The following STK31 variants were observed in gnomAD, a reference collection of about 807,000 sequenced individuals.
The protein encoded by STK31 is serine/threonine kinase 31, also known as serine/threonine-protein kinase 31.
STK31 carries 89 observed loss-of-function variants against 129.7 expected under a neutral mutation model. The ratio of observed to expected loss-of-function variants is 0.69; its 90% CI spans 0.58 to 0.82. STK31 has a LOEUF of 0.82. STK31 is among the 40% of genes least tolerant of loss of function. STK31 has a pLI of 0.00. For missense variants in STK31, 1,187 were observed against 1,176.4 expected, an observed-to-expected ratio of 1.01 and a Z score of -0.13; for synonymous variants, 448 against 395.3, an observed-to-expected ratio of 1.13 and a Z score of -1.58.
At chr7:23,802,921 C>T (rs1001467375) in intron 22 of STK31, among the ~76,000 whole-genome samples, 2 of 152,306 alleles carry the variant, frequency 1.3e-5, no homozygotes, top group South Asian at 4.2e-4. Flanking sequence ...GGAGAATTGA[C>T]ATCTTTACTA....
chr7:23,712,550 T>G (rs1786037408), intron 3 of STK31, among the ~76,000 whole-genome samples: 3 of 152,202 alleles, frequency 2.0e-5, no homozygotes. Context: ...AGAATTCCAC[T>G]CAATTCTAGG....
intron 10 of STK31, among the ~76,000 whole-genome samples, chr7:23,760,675 T>C (rs1323666681): frequency 6.6e-6 from 1 of 152,164 alleles, no homozygotes; most frequent in Non-Finnish European, 1.5e-5. Context: ...TACTCTTTTT[T>C]TTGAGGTATG....
At chr7:23,733,837 TC>T (rs977556178) in intron 6 of STK31, among the ~76,000 whole-genome samples, 36 of 151,952 alleles carry the variant, frequency 2.4e-4, no homozygotes, top group African/African-American at 8.2e-4. Flanking sequence ...AAAAAATGTG[TC>T]CCAATGAAAT....
At chr7:23,802,403 T>C (rs576805084) in intron 22 of STK31, among the ~76,000 whole-genome samples, 272 of 152,292 alleles carry the variant, frequency 1.8e-3, no homozygotes, top group African/African-American at 6.1e-3. Context: ...GTCTGATAAG[T>C]GAAGTCTGCT....
chr7:23,806,775 C>G (rs1198719974), intron 22 of STK31, among the ~76,000 whole-genome samples: 2 of 151,996 alleles, frequency 1.3e-5, no homozygotes, highest in African/African-American at 4.8e-5. Context: ...TGGCTGGCAC[C>G]TGTAGTCCCA....
intron 6 of STK31, among the ~76,000 whole-genome samples, chr7:23,731,506 G>C (rs1787431535): frequency 6.6e-6 from 1 of 152,192 alleles, no homozygotes; most frequent in African/African-American, 2.4e-5. Flanking sequence ...TCCCTGCCAG[G>C]TAGGTGTTAG....
intron 23 of STK31, among the ~76,000 whole-genome samples, chr7:23,827,974 C>A (rs1473270272): frequency 2.6e-5 from 4 of 152,120 alleles, no homozygotes; most frequent in African/African-American, 2.4e-5. Context: ...CAGAGGAGTA[C>A]CCGGCTGTGT....
chr7:23,806,633 G>T (rs1212219079), intron 22 of STK31, among the ~76,000 whole-genome samples: 1 of 152,162 alleles, frequency 6.6e-6, no homozygotes, highest in Non-Finnish European at 1.5e-5. Flanking sequence ...GGGCGCGGTG[G>T]CTCACGCCAG....
At chr7:23,729,328 C>A in intron 6 of STK31, 79 bp downstream of exon 6, 2 of 1,294,542 alleles carry the variant, frequency 1.5e-6, no homozygotes, top group South Asian at 1.7e-5. Context: ...ATAGTTAAAT[C>A]TTACTTTAAT....
Position 23,783,643 on chromosome 7 carries a change from A to G in STK31, c.2128A>G (p.Ile710Val). The part of the protein sequence containing the change: ...FPELPLLHPE[I>V]GLLKYMNSGG... ...TGAGCTGCCTCTGCTTCATCCTGAA[A>G]TAGGATTACTCAAATACATGGTAAA... Residue 710 changes from isoleucine to valine, a missense_variant, in exon 17 of 24, where the codon ATA becomes GTA. Ile to Val is a conservative substitution (Grantham distance 29, BLOSUM62 3). This residue lies in a region of STK31 where 975 missense variants were observed against 934.9 expected (regional missense o/e 1.04). Coordinates refer to ENST00000355870, the MANE Select transcript of STK31 (RefSeq NM_031414.5). 1.9e-6 allele frequency: 3 copies of G among 1,612,156 alleles called. No individual in the cohort carries two copies. The highest frequency in any genetic ancestry group is 2.2e-5 in the South Asian group (2 of 90,692).
intron 22 of STK31, among the ~76,000 whole-genome samples, chr7:23,796,581 C>T (rs1401282680): frequency 1.3e-5 from 2 of 152,022 alleles, no homozygotes; most frequent in Admixed American, 1.3e-4. Context: ...AATTTTAACA[C>T]ACCTATAGAT....
At chr7:23,831,085 A>T (rs1794516472) in intron 23 of STK31, among the ~76,000 whole-genome samples, 1 of 152,190 alleles carries the variant, frequency 6.6e-6, no homozygotes, top group African/African-American at 2.4e-5. Context: ...TATGCTTATG[A>T]GAAGTATGTG....
Position 23,815,222 on chromosome 7 carries a change from CT to C in STK31, c.2829+15del. On this transcript the variant is annotated intron_variant, in intron 23 of 23. Coordinates refer to ENST00000355870, the MANE Select transcript of STK31 (RefSeq NM_031414.5). ...GGATCAGTTTCATCTGGTATGTGACCTTTTTGACATTTACTGGTTTGAAACA... is the reference window on the plus strand; with the variant it reads ...GGATCAGTTTCATCTGGTATGTGACCTTTTGACATTTACTGGTTTGAAACA... The C allele has an allele frequency of 6.4e-7, 1 of 1,560,492 alleles. No homozygotes were observed. Among genetic ancestry groups the C allele is most frequent in the Non-Finnish European group, 8.7e-7 (1 of 1,150,588 alleles).
At chr7:23,776,271 A>C (rs1439271962) in intron 15 of STK31, among the ~76,000 whole-genome samples, 1 of 152,048 alleles carries the variant, frequency 6.6e-6, no homozygotes, top group East Asian at 1.9e-4. Context: ...TTCGTCAGGG[A>C]TATTGGCCTG....
At chr7:23,807,640 C>T (rs568374449) in intron 22 of STK31, among the ~76,000 whole-genome samples, 1 of 152,156 alleles carries the variant, frequency 6.6e-6, no homozygotes, top group East Asian at 1.9e-4. Flanking sequence ...TAGCCCCCCA[C>T]CCTTTCTCCT....
At position 23,735,821 on chromosome 7, in the gene STK31, A is replaced by G. The variant is rs1232773425; in HGVS notation, c.767A>G (p.Lys256Arg). ...AACCAGTCAACCTTCAGCAGGCCCA[A>G]GGGGCACTTAAGTGAGAAAATGACT... ...RSNQSTFSRP[K>R]GHLSEKMTLD... The change falls in exon 7 of 24, where the codon AAG becomes AGG. Residue 256 changes from lysine to arginine, a missense_variant. Transcript: ENST00000355870. The G allele has an allele frequency of 1.9e-6, 3 of 1,613,264 alleles. No individual in the cohort carries two copies. Among genetic ancestry groups the G allele is most frequent in the South Asian group, 2.2e-5 (2 of 90,930 alleles).
chr7:23,769,058 A>T lies in STK31; in HGVS notation c.1480A>T (p.Ile494Leu). 6.2e-7 allele frequency: 1 copy of T among 1,613,342 alleles called. No homozygotes were observed. Among genetic ancestry groups the T allele is most frequent in the South Asian group, 1.1e-5 (1 of 90,928 alleles). Reference sequence around the variant, plus strand: ...CAAAGAAGGAGCAAATTCTGATGAAATACTTAAAAAATTTTATGACTGGAA... The same window carrying T: ...CAAAGAAGGAGCAAATTCTGATGAATTACTTAAAAAATTTTATGACTGGAA... ...QAKEGANSDEILKKFYDWKCD... is the reference protein window; with the variant it reads ...QAKEGANSDELLKKFYDWKCD... Residue 494 changes from isoleucine (I) to leucine (L), a missense_variant, in exon 12 of 24, where the codon ATA becomes TTA. Coordinates refer to ENST00000355870, the MANE Select transcript of STK31 (RefSeq NM_031414.5).
intron 23 of STK31, among the ~76,000 whole-genome samples, chr7:23,823,760 G>C (rs1793933923): frequency 6.6e-6 from 1 of 152,264 alleles, no homozygotes; most frequent in Admixed American, 6.5e-5. Context: ...AATCCATCTT[G>C]AATTAATTTT....
At chr7:23,802,886 G>A (rs1333268887) in intron 22 of STK31, among the ~76,000 whole-genome samples, 1 of 152,156 alleles carries the variant, frequency 6.6e-6, no homozygotes, top group Non-Finnish European at 1.5e-5. Context: ...GATTGGAATT[G>A]CATTAAATCT....
Sources: allele counts gnomAD v4.1 joint callset (sites outside exome capture counted in the v4.1 genomes callset), GRCh38; gene constraint gnomAD v4.1.1; regional missense constraint gnomAD v4.1.1; transcripts MANE v1.5; gene names NCBI Gene and HGNC (gene_info 2026-07-23, HGNC 2026-07-21).